Variants in BIN1 observed in about 807,000 individuals in gnomAD.
BIN1 encodes bridging integrator 1.
In BIN1, 53 loss-of-function variants were observed where a neutral mutation model predicts 82.0. The ratio of observed to expected loss-of-function variants is 0.65; its 90% CI spans 0.52 to 0.81. The LOEUF (loss-of-function observed/expected upper bound fraction) is 0.81, where lower values mean the gene tolerates loss of function less well. BIN1 is among the 40% of genes least tolerant of loss of function. The pLI, the probability that BIN1 is intolerant of heterozygous loss-of-function variation, is 0.00. For synonymous variants in BIN1, 302 were observed against 328.0 expected, an observed-to-expected ratio of 0.92 and a Z score of 0.86; for missense variants, 642 against 784.4, an observed-to-expected ratio of 0.82 and a Z score of 2.17.
rs1457865329 is a variant in BIN1, at chr2:127,069,446, C to T, written c.412-415G>A. Among the ~76,000 whole-genome samples, 3 of 152,270 alleles carry T rather than the reference C, an allele frequency of 2.0e-5. No individual in the cohort carries two copies. The East Asian group carries it at 5.8e-4, about 29-fold the overall frequency. On this transcript the variant is annotated intron_variant, in intron 5 of 18. Coordinates refer to ENST00000316724, the MANE Select transcript of BIN1 (RefSeq NM_139343.3). ...GATCTCGTCCAACCCAATGGTCAAC[C>T]CAGGCTTCCATGTGCACGTTACCGG...
chr2:127,063,443 C>G, intron 9 of BIN1, 128 bp downstream of exon 9: 1 of 1,025,618 alleles, frequency 9.8e-7, no homozygotes. Context: ...CGGGAGGGAG[C>G]CCTGTGGTCA....
chr2:127,059,019 G>A lies in BIN1; in HGVS notation c.994C>T (p.Pro332Ser). ...ATPGATLPKS[P>S]SQLRKGPPVP... ...CAAGACATCACTCCTACCTGAGATG[G>A]GGACTTGGGGAGGGTGGCCCCGGGC... The change falls in exon 11 of 19, where the codon CCA (proline) becomes TCA (serine). Residue 332 changes from proline to serine, a missense_variant. Physicochemically the swap from Pro to Ser is moderately conservative, Grantham distance 74. Coordinates refer to ENST00000316724, the MANE Select transcript of BIN1 (RefSeq NM_139343.3). The surrounding 1 kb of genome is among the most constrained non-coding windows in gnomAD (Gnocchi z 6.7). The A allele has an allele frequency of 6.4e-7, 1 of 1,559,120 alleles. No homozygotes were observed. Among genetic ancestry groups the A allele is most frequent in the Admixed American group, 1.9e-5 (1 of 51,542 alleles).
intron 2 of BIN1, among the ~76,000 whole-genome samples, chr2:127,071,622 G>A (rs1558837420): frequency 1.3e-5 from 2 of 152,204 alleles, no homozygotes; most frequent in African/African-American, 4.8e-5. Flanking sequence ...AGAACTCCAG[G>A]TTCCAGGAGG....
chr2:127,092,049 G>A (rs1679003714), intron 1 of BIN1, among the ~76,000 whole-genome samples: 1 of 151,074 alleles, frequency 6.6e-6, no homozygotes. Context: ...CCCTTCCCCA[G>A]GCTCTTGGCC....
At position 127,053,428 on chromosome 2, in the gene BIN1, G is replaced by A. The variant is rs2104891773; in HGVS notation, c.1257C>T (p.Leu419=). 6.2e-7 allele frequency: 1 copy of A among 1,613,998 alleles called. No individual in the cohort carries two copies. The highest frequency in any genetic ancestry group is 1.6e-4 in the Middle Eastern group (1 of 6,062). ...TPSGQSIPWD[L]WEPTESPAGS... is the part of the protein sequence containing the mutation. ...GAGCAGACGTGCAGCTTACCTCCCAGAGGTCCCATGGAATTGACTGAGCGC... is the reference window on the plus strand; with the variant it reads ...GAGCAGACGTGCAGCTTACCTCCCAAAGGTCCCATGGAATTGACTGAGCGC... Residue 419 remains leucine (L), a synonymous_variant, in exon 14 of 19, where the codon CTC becomes CTT. Transcript: ENST00000316724.
chr2:127,066,230 T>G (rs1685145177), intron 7 of BIN1, among the ~76,000 whole-genome samples: 1 of 152,058 alleles, frequency 6.6e-6, no homozygotes. Context: ...CAGGTATGAG[T>G]GGGCTGGGGA....
At chr2:127,104,591 T>C (rs1680796807) in intron 1 of BIN1, among the ~76,000 whole-genome samples, 1 of 152,182 alleles carries the variant, frequency 6.6e-6, no homozygotes, top group Non-Finnish European at 1.5e-5. Flanking sequence ...GGAATTGCCC[T>C]ATTACCCACT....
chr2:127,102,670 T>A (rs1680504500), intron 1 of BIN1, among the ~76,000 whole-genome samples: 1 of 152,168 alleles, frequency 6.6e-6, no homozygotes, highest in Non-Finnish European at 1.5e-5. Context: ...CCTGGGGGAT[T>A]GGGGAAGTCT....
intron 2 of BIN1, among the ~76,000 whole-genome samples, chr2:127,071,847 T>C (rs1298330652): frequency 1.3e-5 from 2 of 152,210 alleles, no homozygotes; most frequent in Admixed American, 1.3e-4. Flanking sequence ...GAATAATCCC[T>C]GCCTGGCACT....
chr2:127,105,411 C>CA (rs1016832851), intron 1 of BIN1, among the ~76,000 whole-genome samples: 3 of 151,942 alleles, frequency 2.0e-5, no homozygotes, highest in African/African-American at 7.2e-5. Flanking sequence ...GCCACCCCCC[C>CA]ACCCCACAAC....
At chr2:127,083,557 C>T (rs748100247) in intron 1 of BIN1, among the ~76,000 whole-genome samples, 15 of 152,140 alleles carry the variant, frequency 9.9e-5, no homozygotes, top group Non-Finnish European at 1.9e-4. Flanking sequence ...CCATAAGCAC[C>T]CCCAATACAT....
rs1335877822 is a variant in BIN1, at chr2:127,053,420, A to G, written c.1263+2T>C. The G allele has an allele frequency of 6.2e-7, 1 of 1,613,730 alleles. No homozygotes were observed. The highest frequency in any genetic ancestry group is 8.5e-7 in the Non-Finnish European group (1 of 1,179,910). On this transcript the variant is annotated splice_donor_variant, in intron 14 of 18. Transcript: ENST00000316724. LOFTEE classifies it high-confidence loss of function. ...TGGACAAAGAGCAGACGTGCAGCTT[A>G]CCTCCCAGAGGTCCCATGGAATTGA...
chr2:127,068,386 C>T lies in BIN1; in HGVS notation c.520-131G>A. 1.5e-6 allele frequency: 1 copy of T among 675,796 alleles called. No homozygotes were observed. The highest frequency in any genetic ancestry group is 2.5e-6 in the Non-Finnish European group (1 of 397,204). The allele number at this position is 675,796 out of a possible 1,614,324, so 41.9% of individuals were successfully genotyped here. A position where few individuals can be genotyped will look rare whatever the true frequency, so the allele number is the denominator to read the frequency against. On this transcript the variant is annotated intron_variant, in intron 6 of 18. Transcript: ENST00000316724. This position sits in a 1 kb window ranked among gnomAD's most constrained non-coding sequence, Gnocchi z 4.9. The stretch of plus-strand genomic sequence containing the variant: ...GGGGCCACCCCAAGCAGATATGGGC[C>T]CTTGAGGCCGAGAGAATTAGGGGGA...
At chr2:127,070,926 C>A in intron 2 of BIN1, 110 bp from the exon 3 acceptor site, 1 of 1,116,346 alleles carries the variant, frequency 9.0e-7, no homozygotes, top group South Asian at 1.4e-5. Context: ...CTCCTGACAG[C>A]AGCCACTGAT....
intron 1 of BIN1, among the ~76,000 whole-genome samples, chr2:127,086,004 A>G (rs1027728986): frequency 3.3e-5 from 5 of 151,928 alleles, no homozygotes; most frequent in Non-Finnish European, 7.4e-5. Flanking sequence ...CCCTCTAGGT[A>G]AGCTCCACAA....
rs571778575 is a variant in BIN1 at position 127,068,855 on chromosome 2, C to T, written c.519+69G>A. On this transcript the variant is annotated intron_variant, in intron 6 of 18. Transcript: ENST00000316724. The surrounding 1 kb of genome is among the most constrained non-coding windows in gnomAD (Gnocchi z 4.9). ...CCAGGCAGGAGGAAGCCTCCACCCT[C>T]GGGGTCCTAGACACCCGCCCTCTCT... is the stretch of plus-strand genomic sequence containing the variant. 8,578 of 1,447,078 alleles carry T rather than the reference C, an allele frequency of 5.9e-3. 33 individuals carry two copies. Among genetic ancestry groups the T allele is most frequent in the Non-Finnish European group, 7.5e-3 (7,720 of 1,031,772 alleles). The allele number at this position is 1,447,078 out of a possible 1,614,324, so 89.6% of individuals were successfully genotyped here.
chr2:127,054,216 G>A, intron 12 of BIN1: 2 of 616,544 alleles, frequency 3.2e-6, no homozygotes, highest in South Asian at 3.6e-5. Context: ...CGGGAGCACT[G>A]CCCAAAGCCA....
Position 127,057,012 on chromosome 2 carries a change from C to T in BIN1, c.1131+461G>A, listed in dbSNP as rs958416705. 6.6e-6 allele frequency among the ~76,000 whole-genome samples: 1 copy of T among 152,228 alleles called. No individual in the cohort carries two copies. The highest frequency in any genetic ancestry group is 2.4e-5 in the African/African-American group (1 of 41,470). On this transcript the variant is annotated intron_variant, in intron 12 of 18. Transcript: ENST00000316724. This position sits in a 1 kb window ranked among gnomAD's most constrained non-coding sequence, Gnocchi z 5.0. ...TTCCACGCCTCTTAGGGAGTGTGCACACGGCAGTTCTGCCCTGCAGCCTGG... is the reference window on the plus strand; with the variant it reads ...TTCCACGCCTCTTAGGGAGTGTGCATACGGCAGTTCTGCCCTGCAGCCTGG...
Position 127,068,605 on chromosome 2 carries a change from C to T in BIN1, c.519+319G>A, listed in dbSNP as rs890175416. Among the ~76,000 whole-genome samples, 6 of 152,204 alleles carry T rather than the reference C, an allele frequency of 3.9e-5. No individual in the cohort carries two copies. The highest frequency in any genetic ancestry group is 9.6e-5 in the African/African-American group (4 of 41,452). Reference sequence around the variant, plus strand: ...GCCAGGGACAGGTCGCCTGGGATCGCGTGACGAATTCCACCCGGCTCGCCA... The same window carrying T: ...GCCAGGGACAGGTCGCCTGGGATCGTGTGACGAATTCCACCCGGCTCGCCA... On this transcript the variant is annotated intron_variant, in intron 6 of 18. Transcript: ENST00000316724. This position sits in a 1 kb window ranked among gnomAD's most constrained non-coding sequence, Gnocchi z 4.9.
Sources: gnomAD v4.1 joint callset for allele counts (sites outside exome capture counted in the v4.1 genomes callset) on GRCh38, gnomAD v4.1.1 for gene constraint, Gnocchi (gnomAD v3.1) non-coding constraint, MANE v1.5 for transcripts, NCBI Gene and HGNC (gene_info 2026-07-23, HGNC 2026-07-21) for gene names.